SLIT3: variants seen among roughly 807,000 people sequenced by gnomAD.
SLIT3 encodes the protein slit guidance ligand 3.
Under a neutral mutation model 184.0 loss-of-function variants are expected in SLIT3, and 68 were observed. The ratio of observed to expected loss-of-function variants is 0.37; its 90% CI spans 0.30 to 0.45. The LOEUF (loss-of-function observed/expected upper bound fraction) is 0.45, where lower values mean the gene tolerates loss of function less well. SLIT3 is among the 20% of genes least tolerant of loss of function. The pLI, the probability that SLIT3 is intolerant of heterozygous loss-of-function variation, is 1.00. For missense variants in SLIT3, 1,707 were observed against 2,026.0 expected, an observed-to-expected ratio of 0.84 and a Z score of 3.02; for synonymous variants, 831 against 828.6, an observed-to-expected ratio of 1.00 and a Z score of -0.05.
chr5:168,887,417 G>T (rs1760260720), intron 4 of SLIT3, among the ~76,000 whole-genome samples: 1 of 152,174 alleles, frequency 6.6e-6, no homozygotes, highest in Non-Finnish European at 1.5e-5. Context: ...TTTCTGAAGT[G>T]GGTGGGGCTA....
chr5:169,195,046 G>A (rs1763694369), intron 3 of SLIT3, among the ~76,000 whole-genome samples: 1 of 152,140 alleles, frequency 6.6e-6, no homozygotes, highest in African/African-American at 2.4e-5. Context: ...GCAGTTCATA[G>A]CCTGGATGAA....
rs564920985 is a variant in SLIT3 at position 168,709,101 on chromosome 5, G to GTTTTT, written c.2720-1006_2720-1002dup. ...CCAGCTACAGTGTTGTTTTCTGTTT[G>GTTTTT]TTTTTTTTTTTTTTTGAGATGGAGT... is the stretch of plus-strand genomic sequence containing the variant. On this transcript the variant is annotated intron_variant, in intron 25 of 35. Coordinates refer to ENST00000519560, the MANE Select transcript of SLIT3 (RefSeq NM_003062.4). Among the ~76,000 whole-genome samples, 10 of 126,988 alleles carry GTTTTT rather than the reference G, an allele frequency of 7.9e-5. No individual in the cohort carries two copies. The East Asian group carries it at 1.7e-3, about 22-fold the overall frequency. 83.3% of individuals were successfully genotyped at this position (126,988 alleles called of 152,430 possible).
At chr5:168,922,653 A>G (rs547353904) in intron 4 of SLIT3, among the ~76,000 whole-genome samples, 1 of 152,278 alleles carries the variant, frequency 6.6e-6, no homozygotes, top group East Asian at 1.9e-4. Context: ...GGAAAGGGCA[A>G]GGAGCTTCAG....
chr5:168,674,113 C>G (rs528594979), intron 32 of SLIT3, among the ~76,000 whole-genome samples: 11 of 152,270 alleles, frequency 7.2e-5, no homozygotes, highest in Non-Finnish European at 1.3e-4. Flanking sequence ...TATTGTCCCC[C>G]CTAAGGTCAC....
chr5:168,846,451 A>T (rs1246081514), intron 5 of SLIT3, among the ~76,000 whole-genome samples: 1 of 152,104 alleles, frequency 6.6e-6, no homozygotes, highest in Non-Finnish European at 1.5e-5. Context: ...CTCCCTGCAG[A>T]GGTTCTATGA....
chr5:168,874,473 A>C (rs1269768397), intron 5 of SLIT3, among the ~76,000 whole-genome samples: 1 of 152,262 alleles, frequency 6.6e-6, no homozygotes, highest in Non-Finnish European at 1.5e-5. Context: ...CAGAACAATG[A>C]AAAAGGCAGA....
At chr5:168,687,613 G>A (rs1440775756) in intron 29 of SLIT3, among the ~76,000 whole-genome samples, 2 of 152,142 alleles carry the variant, frequency 1.3e-5, no homozygotes, top group Non-Finnish European at 2.9e-5. Context: ...GTCATAAACT[G>A]TTCTAAGTGG....
chr5:168,744,318 T>C (rs566791332), intron 20 of SLIT3, among the ~76,000 whole-genome samples: 2 of 152,192 alleles, frequency 1.3e-5, no homozygotes, highest in South Asian at 4.2e-4. Flanking sequence ...CAAAAGAAGC[T>C]ATCTTCATAA....
intron 29 of SLIT3, among the ~76,000 whole-genome samples, chr5:168,692,083 C>T (rs899936584): frequency 5.9e-5 from 9 of 152,314 alleles, no homozygotes; most frequent in South Asian, 2.1e-4. Flanking sequence ...GAGACAGCTC[C>T]GCCAATGGCC....
rs192219732 is a variant in SLIT3, at chr5:168,971,911, G to C, written c.414-88575C>G. On this transcript the variant is annotated intron_variant, in intron 4 of 35. Transcript: ENST00000519560. The stretch of plus-strand genomic sequence containing the variant: ...GTTCTGAGGCTACCTCGGGGAGCGA[G>C]AGAGTTCAATGGACTTAGGTTATAG... 2.0e-5 allele frequency among the ~76,000 whole-genome samples: 3 copies of C among 152,348 alleles called. No homozygotes were observed. The East Asian group carries it at 5.8e-4, about 29-fold the overall frequency.
intron 34 of SLIT3, among the ~76,000 whole-genome samples, chr5:168,670,245 C>A (rs760883844): frequency 6.6e-6 from 1 of 152,348 alleles, no homozygotes; most frequent in Non-Finnish European, 1.5e-5. Flanking sequence ...CTGATTTACA[C>A]ACACACCTCA....
intron 14 of SLIT3, among the ~76,000 whole-genome samples, chr5:168,767,099 A>G (rs886877308): frequency 6.6e-6 from 1 of 152,208 alleles, no homozygotes; most frequent in Non-Finnish European, 1.5e-5. Context: ...TTTTGTGAAC[A>G]TTAAACAAGG....
intron 4 of SLIT3, among the ~76,000 whole-genome samples, chr5:169,039,293 C>T (rs368291993): frequency 2.6e-4 from 39 of 150,448 alleles, no homozygotes; most frequent in African/African-American, 8.8e-4. Context: ...AACAGTGCTC[C>T]GTAAGAGTTA....
intron 14 of SLIT3, among the ~76,000 whole-genome samples, chr5:168,764,707 C>G (rs1755274725): frequency 6.6e-6 from 1 of 152,158 alleles, no homozygotes; most frequent in Non-Finnish European, 1.5e-5. Context: ...GTCCTGTCCT[C>G]CTTTCCTTCT....
intron 4 of SLIT3, among the ~76,000 whole-genome samples, chr5:169,184,608 T>C (rs1300248275): frequency 6.6e-6 from 1 of 152,244 alleles, no homozygotes; most frequent in Admixed American, 6.5e-5. Flanking sequence ...GGGTGCCTAT[T>C]TACAAAGTCA....
intron 3 of SLIT3, among the ~76,000 whole-genome samples, chr5:169,206,286 A>AT (rs900984606): frequency 5.9e-5 from 9 of 152,212 alleles, no homozygotes; most frequent in African/African-American, 1.7e-4. Flanking sequence ...AGCTATTAGG[A>AT]TTTTTTCCCC....
At chr5:168,916,157 G>T (rs764909265) in intron 4 of SLIT3, among the ~76,000 whole-genome samples, 1 of 152,184 alleles carries the variant, frequency 6.6e-6, no homozygotes, top group Non-Finnish European at 1.5e-5. Context: ...ATTTACAATT[G>T]TTAAATCTAA....
At position 169,300,621 on chromosome 5, in the gene SLIT3, G is replaced by A; in HGVS notation, c.89C>T (p.Pro30Leu). The change falls in exon 1 of 36, where the codon CCA (proline) becomes CTA (leucine). Residue 30 changes from proline (P) to leucine (L), a missense_variant. Physicochemically the swap from Pro to Leu is moderately conservative, Grantham distance 98. Transcript: ENST00000519560. This position sits in a 1 kb window ranked among gnomAD's most constrained non-coding sequence, Gnocchi z 4.1. ...LALASVLSGP[P>L]AVACPTKCTC... is the part of the protein sequence containing the mutation. ...ACACTTGGTGGGGCAGGCGACGGCT[G>A]GAGGCCCACTCAGGACGCTCGCCAG... The A allele has an allele frequency of 6.7e-7, 1 of 1,503,676 alleles. No individual in the cohort carries two copies. The highest frequency in any genetic ancestry group is 2.8e-5 in the East Asian group (1 of 35,946). The allele number at this position is 1,503,676 out of a possible 1,614,324, so 93.1% of individuals were successfully genotyped here.
intron 3 of SLIT3, among the ~76,000 whole-genome samples, chr5:169,200,765 G>C (rs1468713458): frequency 6.6e-6 from 1 of 152,044 alleles, no homozygotes; most frequent in African/African-American, 2.4e-5. Context: ...TACTTCCTTG[G>C]TTTCCTCACC....
Sources: gnomAD v4.1 joint callset for allele counts (sites outside exome capture counted in the v4.1 genomes callset) on GRCh38, gnomAD v4.1.1 for gene constraint, Gnocchi (gnomAD v3.1) non-coding constraint, MANE v1.5 for transcripts, NCBI Gene and HGNC (gene_info 2026-07-23, HGNC 2026-07-21) for gene names.